KIF26B: variants seen among roughly 807,000 people sequenced by gnomAD.
The protein encoded by KIF26B is kinesin family member 26B, also known as kinesin-like protein KIF26B.
Under a neutral mutation model 151.2 loss-of-function variants are expected in KIF26B, and 63 were observed. That is an observed-to-expected ratio of 0.42 (90% CI 0.34 to 0.51). KIF26B has a LOEUF of 0.51. Ranked by LOEUF, KIF26B falls within the 20% of genes least tolerant of loss-of-function variation. The pLI is 0.07. For synonymous variants in KIF26B, 1,357 were observed against 1,262.1 expected, an observed-to-expected ratio of 1.08 and a Z score of -1.59; for missense variants, 2,813 against 2,913.6, an observed-to-expected ratio of 0.97 and a Z score of 0.79.
In KIF26B at chr1:245,559,853, GT is replaced by G. The variant is rs200816525; in HGVS notation, c.1350+18909del. ...GAGCCACCACACCCAGCCTAACAAG[GT>G]TTTTTGTTTTGCTCCTGTAGGTCTA... is the stretch of plus-strand genomic sequence containing the variant. On this transcript the variant is annotated intron_variant, in intron 5 of 14. Coordinates refer to ENST00000407071, the MANE Select transcript of KIF26B (RefSeq NM_018012.4). 4.4e-3 allele frequency among the ~76,000 whole-genome samples: 671 copies of G among 151,338 alleles called. 9 individuals are homozygous for G. Among genetic ancestry groups the G allele is most frequent in the African/African-American group, 0.015 (608 of 41,272 alleles).
At chr1:245,360,574 C>G (rs767195466) in intron 2 of KIF26B, among the ~76,000 whole-genome samples, 3 of 152,164 alleles carry the variant, frequency 2.0e-5, no homozygotes, top group Non-Finnish European at 4.4e-5. Flanking sequence ...GAGACTGAAG[C>G]TTAGAGAGAT....
intron 10 of KIF26B, among the ~76,000 whole-genome samples, chr1:245,665,532 T>G (rs532894277): frequency 1.3e-5 from 2 of 148,776 alleles, no homozygotes; most frequent in African/African-American, 4.8e-5. Flanking sequence ...TCATAAAAAA[T>G]TTTTGTAGTT....
At chr1:245,292,918 G>A (rs1671279693) in intron 2 of KIF26B, among the ~76,000 whole-genome samples, 1 of 152,114 alleles carries the variant, frequency 6.6e-6, no homozygotes, top group South Asian at 2.1e-4. Flanking sequence ...AACTGCTTCG[G>A]TGCCGTCCCT....
At chr1:245,354,350 C>T (rs1295928087) in intron 2 of KIF26B, among the ~76,000 whole-genome samples, 1 of 152,162 alleles carries the variant, frequency 6.6e-6, no homozygotes, top group Admixed American at 6.5e-5. Context: ...CTCAGCCGTC[C>T]CCTCTGAAAC....
At chr1:245,267,081 T>G (rs1189775370) in intron 2 of KIF26B, among the ~76,000 whole-genome samples, 1 of 152,212 alleles carries the variant, frequency 6.6e-6, no homozygotes. Context: ...ATTTGCAGTG[T>G]CTCCCCTAAA....
chr1:245,687,252 C>G lies in KIF26B; in HGVS notation c.4269C>G (p.Ser1423=), dbSNP rs2044541006. 6.2e-7 allele frequency: 1 copy of G among 1,612,430 alleles called. No individual in the cohort carries two copies. Among genetic ancestry groups the G allele is most frequent in the Non-Finnish European group, 8.5e-7 (1 of 1,179,632 alleles). ...AAGCAGGCCCCACATTAGCCCAGTCCCGGGAGAGTAAGGAAAACAGTGCAA... is the reference window on the plus strand; with the variant it reads ...AAGCAGGCCCCACATTAGCCCAGTCGCGGGAGAGTAAGGAAAACAGTGCAA... ...TPKAGPTLAQ[S]RESKENSAKK... is the part of the protein sequence containing the mutation. Residue 1423 remains serine (S), a synonymous_variant, in exon 12 of 15, where the codon TCC becomes TCG. Transcript: ENST00000407071. This position sits in a 1 kb window ranked among gnomAD's most constrained non-coding sequence, Gnocchi z 4.9.
chr1:245,607,558 C>T (rs775584123), intron 6 of KIF26B, 93 bp from the exon 7 acceptor site: 302 of 1,000,764 alleles, frequency 3.0e-4, no homozygotes, highest in Non-Finnish European at 3.9e-4. Context: ...CACTGGGACC[C>T]GAAGCCCCAG....
intron 2 of KIF26B, among the ~76,000 whole-genome samples, chr1:245,157,998 A>G (rs911655881): frequency 6.6e-6 from 1 of 152,220 alleles, no homozygotes; most frequent in Non-Finnish European, 1.5e-5. Flanking sequence ...CTTAGATTCT[A>G]GTGGAGGATA....
chr1:245,670,492 A>AT (rs35792058), intron 10 of KIF26B, among the ~76,000 whole-genome samples: 76,587 of 147,874 alleles, frequency 0.52, 20,440 homozygotes, highest in East Asian at 0.8. Context: ...CCTAGTTATC[A>AT]TTTTTTTTTG....
intron 4 of KIF26B, among the ~76,000 whole-genome samples, chr1:245,503,815 G>C (rs1660673734): frequency 6.6e-6 from 1 of 152,226 alleles, no homozygotes; most frequent in Admixed American, 6.5e-5. Context: ...CTTCTGTAAG[G>C]ATCTGGTAGC....
At chr1:245,194,130 G>C (rs762264318) in intron 2 of KIF26B, among the ~76,000 whole-genome samples, 2 of 152,200 alleles carry the variant, frequency 1.3e-5, no homozygotes, top group Non-Finnish European at 2.9e-5. Flanking sequence ...GCGTATGGTA[G>C]TTTCTTCCAT....
rs756627415 is a variant in KIF26B at position 245,688,714 on chromosome 1, G to T, written c.5731G>T (p.Ala1911Ser). Reference protein sequence around the residue: ...VMRDSEATGSASSAQDSTSEN... With the variant: ...VMRDSEATGSSSSAQDSTSEN... ...GCGGGACAGCGAGGCCACCGGCAGC[G>T]CGTCCTCGGCGCAGGACTCCACGAG... The change falls in exon 12 of 15, where the codon GCG becomes TCG. Residue 1911 changes from alanine (A) to serine (S), a missense_variant. By Grantham distance (99) the Ala-to-Ser change is moderately conservative. Around this residue, in one of 3 missense-constraint regions of KIF26B, gnomAD observed 2,060 missense variants for 2,088.6 expected, o/e 0.99. Transcript: ENST00000407071. 8.7e-6 allele frequency: 14 copies of T among 1,608,266 alleles called. No individual in the cohort carries two copies. The highest frequency in any genetic ancestry group is 1.2e-5 in the Non-Finnish European group (14 of 1,178,134).
intron 2 of KIF26B, among the ~76,000 whole-genome samples, chr1:245,330,943 G>C (rs1367982042): frequency 2.0e-5 from 3 of 151,944 alleles, no homozygotes; most frequent in Admixed American, 6.6e-5. Context: ...AGTCCCCGCA[G>C]AGAGAGAGCC....
At chr1:245,462,188 G>T (rs982858034) in intron 4 of KIF26B, among the ~76,000 whole-genome samples, 5 of 152,128 alleles carry the variant, frequency 3.3e-5, no homozygotes, top group African/African-American at 1.2e-4. Context: ...CATCTTGAAG[G>T]CAGGAGATTT....
At position 245,280,530 on chromosome 1, in the gene KIF26B, C is replaced by CAAAAA. The variant is rs1170207967; in HGVS notation, c.466-86297_466-86293dup. On this transcript the variant is annotated intron_variant, in intron 2 of 14. Transcript: ENST00000407071. ...TGGGCAACAGAGCGAGACTCTGTCTCAAAAAAAAAAAGAAAAGAAATTATT... is the reference window on the plus strand; with the variant it reads ...TGGGCAACAGAGCGAGACTCTGTCTCAAAAAAAAAAAAAAAAGAAAAGAAATTATT... Among the ~76,000 whole-genome samples the CAAAAA allele has an allele frequency of 7.5e-3, 599 of 79,600 alleles. 18 individuals carry two copies. Among genetic ancestry groups the CAAAAA allele is most frequent in the Middle Eastern group, 0.033 (4 of 122 alleles). 52.2% of individuals were successfully genotyped at this position (79,600 alleles called of 152,430 possible).
At chr1:245,570,967 C>A (rs1179138851) in intron 5 of KIF26B, among the ~76,000 whole-genome samples, 2 of 152,186 alleles carry the variant, frequency 1.3e-5, no homozygotes, top group Non-Finnish European at 2.9e-5. Flanking sequence ...ATGTTAAAAT[C>A]TAACATAATG....
At chr1:245,390,175 G>GTTTTTT (rs61383926) in intron 3 of KIF26B, among the ~76,000 whole-genome samples, 1 of 146,940 alleles carries the variant, frequency 6.8e-6, no homozygotes, top group Non-Finnish European at 1.5e-5. Context: ...TATTTGGAGG[G>GTTTTTT]TTTTTTTTTT....
intron 2 of KIF26B, among the ~76,000 whole-genome samples, chr1:245,176,310 C>T (rs1015918226): frequency 3.3e-5 from 5 of 152,106 alleles, no homozygotes; most frequent in East Asian, 3.9e-4. Context: ...GCCTTGAAGG[C>T]GCCTGGCCTT....
At chr1:245,169,787 C>T (rs1027257676) in intron 2 of KIF26B, among the ~76,000 whole-genome samples, 1 of 152,032 alleles carries the variant, frequency 6.6e-6, no homozygotes, top group South Asian at 2.1e-4. Context: ...TATTAGGGAT[C>T]CTCCATAATG....
Sources: allele counts gnomAD v4.1 joint callset (sites outside exome capture counted in the v4.1 genomes callset), GRCh38; gene constraint gnomAD v4.1.1; regional missense constraint gnomAD v4.1.1; non-coding constraint Gnocchi (gnomAD v3.1); transcripts MANE v1.5; gene names NCBI Gene and HGNC (gene_info 2026-07-23, HGNC 2026-07-21).